Variants in KYNU observed in about 807,000 individuals in gnomAD.
KYNU encodes the protein kynureninase.
Under a neutral mutation model 59.2 loss-of-function variants are expected in KYNU, and 54 were observed. That is an observed-to-expected ratio of 0.91 (90% CI 0.73 to 1.14). The LOEUF (loss-of-function observed/expected upper bound fraction) is 1.14, where lower values mean the gene tolerates loss of function less well. KYNU is among the 50% of genes most tolerant of loss of function. The pLI, the probability that KYNU is intolerant of heterozygous loss-of-function variation, is 0.00. For synonymous variants in KYNU, 177 were observed against 192.0 expected (o/e 0.92, Z 0.65); for missense variants, 567 against 554.4 (o/e 1.02, Z -0.23).
intron 8 of KYNU, among the ~76,000 whole-genome samples, chr2:142,978,954 T>C (rs977274069): frequency 9.9e-5 from 15 of 152,256 alleles, no homozygotes; most frequent in African/African-American, 3.6e-4. Flanking sequence ...TGATCAGAGC[T>C]TTAATGCTAC....
intron 2 of KYNU, among the ~76,000 whole-genome samples, chr2:142,912,051 T>C (rs1682496429): frequency 6.6e-6 from 1 of 152,166 alleles, no homozygotes; most frequent in African/African-American, 2.4e-5. Flanking sequence ...TATCGAGTGA[T>C]ACTGGCTTCC....
chr2:142,901,039 C>T (rs1364777613), intron 2 of KYNU, among the ~76,000 whole-genome samples: 17 of 137,918 alleles, frequency 1.2e-4, no homozygotes, highest in Middle Eastern at 4.1e-3. Flanking sequence ...GGCGAAAGAG[C>T]GAGACTCCAT....
chr2:143,033,298 TG>T lies in KYNU; in HGVS notation c.1019del (p.Cys340PhefsTer7). ...TTCAAATCCTCCCATTTTGTTGGTC[TG>T]TTCCTTGCATGCTAGTTTAGAGGTA... ...RISNPPILLV[C>X]SLHASLEIFK... On this transcript the variant is annotated frameshift_variant, in exon 12 of 14. Transcript: ENST00000264170. LOFTEE classifies it high-confidence loss of function. The T allele has an allele frequency of 6.2e-7, 1 of 1,613,754 alleles. No individual in the cohort carries two copies. The highest frequency in any genetic ancestry group is 2.2e-5 in the East Asian group (1 of 44,884).
At chr2:142,899,748 C>A (rs1682008648) in intron 2 of KYNU, among the ~76,000 whole-genome samples, 1 of 152,176 alleles carries the variant, frequency 6.6e-6, no homozygotes, top group South Asian at 2.1e-4. Context: ...CTGGAAGACA[C>A]AAACTTAACA....
intron 8 of KYNU, among the ~76,000 whole-genome samples, chr2:142,968,094 T>A (rs114060533): frequency 6.6e-6 from 1 of 152,186 alleles, no homozygotes; most frequent in Admixed American, 6.5e-5. Context: ...AGGATCTTAG[T>A]GTATAAGAAG....
At chr2:142,920,987 G>C (rs1449044604) in intron 3 of KYNU, among the ~76,000 whole-genome samples, 1 of 152,188 alleles carries the variant, frequency 6.6e-6, no homozygotes, top group Non-Finnish European at 1.5e-5. Context: ...GTTCTGTTGG[G>C]AGGAAACTTT....
chr2:142,962,526 G>T (rs1451417673), intron 8 of KYNU, among the ~76,000 whole-genome samples: 3 of 152,054 alleles, frequency 2.0e-5, no homozygotes, highest in Non-Finnish European at 4.4e-5. Flanking sequence ...AAATAAATTT[G>T]TTTACTTTAG....
At chr2:142,997,733 C>T (rs1685583306) in intron 10 of KYNU, among the ~76,000 whole-genome samples, 1 of 151,982 alleles carries the variant, frequency 6.6e-6, no homozygotes, top group Non-Finnish European at 1.5e-5. Context: ...AGCTAAGAAA[C>T]AGATGTTTGT....
At position 143,046,728 on chromosome 2, in the gene KYNU, C is replaced by A. The variant is rs555645675; in HGVS notation, c.*4556C>A. 4 of 152,100 alleles carry A rather than the reference C, an allele frequency of 2.6e-5. No homozygotes were observed. In the South Asian group the frequency reaches 6.2e-4, roughly 24 times the overall value. 9.4% of individuals were successfully genotyped at this position (152,100 alleles called of 1,614,324 possible). ...TCTGCTAGATTAAATCTCTCAGCTT[C>A]TTTTTATTAAGATTGCCCTGAATTG... On this transcript the variant is annotated 3_prime_UTR_variant, in exon 14 of 14. Transcript: ENST00000264170.
At chr2:142,995,452 A>G (rs1269347387) in intron 10 of KYNU, among the ~76,000 whole-genome samples, 1 of 152,144 alleles carries the variant, frequency 6.6e-6, no homozygotes, top group Non-Finnish European at 1.5e-5. Flanking sequence ...ACTGAATTTT[A>G]TGATACATCC....
chr2:142,959,773 T>C (rs1684279538), intron 7 of KYNU, among the ~76,000 whole-genome samples: 1 of 152,148 alleles, frequency 6.6e-6, no homozygotes, highest in South Asian at 2.1e-4. Context: ...AACCCTCTAT[T>C]ATAGTCAGTT....
chr2:142,948,118 T>C (rs547256709), intron 4 of KYNU: 2 of 152,128 alleles, frequency 1.3e-5, no homozygotes, highest in Non-Finnish European at 2.9e-5. Context: ...ATGCAGGGAG[T>C]GGCACTGCTG....
At chr2:142,957,867 T>C (rs1684222103) in intron 7 of KYNU, 152 bp downstream of exon 7, 2 of 613,954 alleles carry the variant, frequency 3.3e-6, no homozygotes, top group East Asian at 5.7e-5. Flanking sequence ...TTAGATCATT[T>C]TGCTTAAAAT....
In KYNU at chr2:142,960,763, A is replaced by C; in HGVS notation, c.722A>C (p.Gln241Pro). The C allele has an allele frequency of 6.2e-7, 1 of 1,614,044 alleles. No homozygotes were observed. The highest frequency in any genetic ancestry group is 2.2e-5 in the East Asian group (1 of 44,874). ...ATTCCTGCCATCACAAAAGCTGGAC[A>C]AGCGAAGGTATGCACGCCATTTACT... ...FNIPAITKAGQAKGCYVGFDL... is the reference protein window; with the variant it reads ...FNIPAITKAGPAKGCYVGFDL... Residue 241 changes from glutamine to proline, a missense_variant, in exon 8 of 14, where the codon CAA becomes CCA. Transcript: ENST00000264170.
At chr2:143,035,298 G>C (rs1686864429) in intron 12 of KYNU, among the ~76,000 whole-genome samples, 1 of 152,136 alleles carries the variant, frequency 6.6e-6, no homozygotes, top group Non-Finnish European at 1.5e-5. Context: ...CATTTCTCTG[G>C]ATCTTCTAAT....
chr2:143,036,487 T>C (rs1686898067), intron 12 of KYNU, among the ~76,000 whole-genome samples: 1 of 152,140 alleles, frequency 6.6e-6, no homozygotes, highest in Non-Finnish European at 1.5e-5. Flanking sequence ...AAAACACTTT[T>C]AAATAAGGAA....
intron 2 of KYNU, among the ~76,000 whole-genome samples, chr2:142,900,771 G>C (rs1009369342): frequency 4.6e-5 from 7 of 152,158 alleles, no homozygotes; most frequent in Non-Finnish European, 8.8e-5. Flanking sequence ...TTGGGGTGTA[G>C]TATGGGCTGT....
chr2:142,986,205 A>G (rs571648955), intron 10 of KYNU, among the ~76,000 whole-genome samples, 184 bp downstream of exon 10: 8 of 152,016 alleles, frequency 5.3e-5, no homozygotes, highest in Non-Finnish European at 1.0e-4. Flanking sequence ...AAAGAATTCA[A>G]TTGGTTGAAC....
intron 3 of KYNU, 133 bp from the exon 4 acceptor site, chr2:142,927,526 G>T: frequency 1.6e-6 from 1 of 642,170 alleles, no homozygotes. Flanking sequence ...TTTTAAAAAG[G>T]CCTGATTTTA....
Sources: allele counts gnomAD v4.1 joint callset (sites outside exome capture counted in the v4.1 genomes callset), GRCh38; gene constraint gnomAD v4.1.1; transcripts MANE v1.5; gene names NCBI Gene and HGNC (gene_info 2026-07-23, HGNC 2026-07-21).